Variants in SLC8A3 observed in about 807,000 individuals in gnomAD.
SLC8A3 encodes the protein sodium/calcium exchanger 3.
Under a neutral mutation model 65.4 loss-of-function variants are expected in SLC8A3, and 37 were observed. That is an observed-to-expected ratio of 0.57 (90% CI 0.44 to 0.74). The LOEUF is 0.74. SLC8A3 is among the 30% of genes least tolerant of loss of function. The pLI is 0.00. For synonymous variants in SLC8A3, 461 were observed against 444.5 expected (o/e 1.04, Z -0.47); for missense variants, 1,112 against 1,172.1 (o/e 0.95, Z 0.75).
At position 70,168,313 on chromosome 14, in the gene SLC8A3, T is replaced by G; in HGVS notation, c.110A>C (p.Asp37Ala). The change falls in exon 2 of 7, where the codon GAC (aspartate) becomes GCC (alanine). Residue 37 changes from aspartate (D) to alanine (A), a missense_variant. Transcript: ENST00000356921. ...ATTGTTCTGCCCTGTGCTTGGCACG[T>G]CCCCTGAGCCACCAGCCTCTGCTCG... The part of the protein sequence containing the change: ...GLRAEAGGSG[D>A]VPSTGQNNES... 1 of 1,614,076 alleles carries G rather than the reference T, an allele frequency of 6.2e-7. No individual in the cohort carries two copies.
rs148840788 is a variant in SLC8A3 at position 70,109,237 on chromosome 14, T to G, written c.1785-48298A>C. 5.7e-3 allele frequency among the ~76,000 whole-genome samples: 838 copies of G among 147,508 alleles called. 9 individuals carry two copies. The highest frequency in any genetic ancestry group is 0.02 in the African/African-American group (789 of 40,294). ...ACTTTAAGTTCTGGGATACATGTGC[T>G]GAACATGCAGGTTTGTTACATAGGT... On this transcript the variant is annotated intron_variant, in intron 2 of 6. Coordinates refer to ENST00000356921, the MANE Select transcript of SLC8A3 (RefSeq NM_182932.3).
intron 4 of SLC8A3, among the ~76,000 whole-genome samples, chr14:70,051,397 A>G (rs1340331239): frequency 2.0e-5 from 3 of 152,176 alleles, no homozygotes; most frequent in Non-Finnish European, 4.4e-5. Flanking sequence ...GGCTCAAGCC[A>G]TCCTCCCACC....
intron 2 of SLC8A3, among the ~76,000 whole-genome samples, chr14:70,125,584 G>C (rs1377546207): frequency 6.6e-6 from 1 of 151,254 alleles, no homozygotes; most frequent in Non-Finnish European, 1.5e-5. Flanking sequence ...TCCATGGATG[G>C]ACAGTTAGGT....
At position 70,100,655 on chromosome 14, in the gene SLC8A3, G is replaced by A. The variant is rs183473843; in HGVS notation, c.1785-39716C>T. Among the ~76,000 whole-genome samples the A allele has an allele frequency of 1.6e-4, 25 of 152,272 alleles. No homozygotes were observed. In the East Asian group the frequency reaches 4.6e-3, roughly 28 times the overall value. ...TTGTGCTCACTGATATTTATTAAGG[G>A]CATAAAAAGCCTACATGATTCCAAT... On this transcript the variant is annotated intron_variant, in intron 2 of 6. Transcript: ENST00000356921.
intron 2 of SLC8A3, among the ~76,000 whole-genome samples, chr14:70,073,326 G>A (rs1178202521): frequency 4.6e-5 from 7 of 152,112 alleles, no homozygotes; most frequent in Non-Finnish European, 1.0e-4. Context: ...ATATCAGTGG[G>A]TCTGTGAAGG....
At position 70,052,978 on chromosome 14, in the gene SLC8A3, G is replaced by A. The variant is rs145061761; in HGVS notation, c.1889-864C>T. ...GGGCAGTCGTGAGACTCCAACTCTC[G>A]AGTTTGCAAGGAAAGAAATTCACTG... is the stretch of plus-strand genomic sequence containing the variant. On this transcript the variant is annotated intron_variant, in intron 3 of 6. Coordinates refer to ENST00000356921, the MANE Select transcript of SLC8A3 (RefSeq NM_182932.3). Among the ~76,000 whole-genome samples, 469 of 152,300 alleles carry A rather than the reference G, an allele frequency of 3.1e-3. 2 individuals are homozygous for A. Among genetic ancestry groups the A allele is most frequent in the African/African-American group, 0.011 (446 of 41,558 alleles).
At chr14:70,132,606 G>T (rs1346646001) in intron 2 of SLC8A3, among the ~76,000 whole-genome samples, 2 of 152,186 alleles carry the variant, frequency 1.3e-5, no homozygotes, top group Non-Finnish European at 2.9e-5. Context: ...GATGAAACGG[G>T]AAATCTTTCA....
chr14:70,165,880 A>C (rs1897135832), intron 2 of SLC8A3, among the ~76,000 whole-genome samples: 1 of 152,158 alleles, frequency 6.6e-6, no homozygotes, highest in African/African-American at 2.4e-5. Flanking sequence ...AATTCCTAGG[A>C]TGTTTCTCCT....
At chr14:70,100,031 T>A (rs186026978) in intron 2 of SLC8A3, among the ~76,000 whole-genome samples, 1 of 152,052 alleles carries the variant, frequency 6.6e-6, no homozygotes, top group East Asian at 1.9e-4. Context: ...AACATGTACT[T>A]AGAAATCAAG....
chr14:70,080,441 C>T (rs1035658673), intron 2 of SLC8A3, among the ~76,000 whole-genome samples: 1 of 152,002 alleles, frequency 6.6e-6, no homozygotes, highest in Non-Finnish European at 1.5e-5. Context: ...AGTAAAGGCT[C>T]GCAGGAAAAG....
At position 70,166,859 on chromosome 14, in the gene SLC8A3, T is replaced by TA. The variant is rs778256950; in HGVS notation, c.1563dup (p.Thr522TyrfsTer5). 6.2e-7 allele frequency: 1 copy of TA among 1,614,112 alleles called. No homozygotes were observed. Among genetic ancestry groups the TA allele is most frequent in the South Asian group, 1.1e-5 (1 of 91,074 alleles). On this transcript the variant is annotated frameshift_variant, in exon 2 of 7. Coordinates refer to ENST00000356921, the MANE Select transcript of SLC8A3 (RefSeq NM_182932.3). LOFTEE classifies it high-confidence loss of function. ...CCTGCATGGTCATCATCCAAGATGG[T>TA]AACTGTGGCCACACAAGGGGAGGCT...
intron 2 of SLC8A3, among the ~76,000 whole-genome samples, chr14:70,088,680 C>T (rs1891613390): frequency 6.6e-6 from 1 of 152,210 alleles, no homozygotes; most frequent in Non-Finnish European, 1.5e-5. Context: ...TGAGCATTAT[C>T]ATCACCTAGA....
chr14:70,167,864 A>G lies in SLC8A3; in HGVS notation c.559T>C (p.Tyr187His). ...NMFIIIGICV[Y>H]VIPDGETRKI... is the part of the protein sequence containing the mutation. ...CGAGTCTCTCCGTCTGGGATCACGT[A>G]GACACAGATGCCAATGATGATGAAC... Residue 187 changes from tyrosine to histidine, a missense_variant, in exon 2 of 7, where the codon TAC (tyrosine) becomes CAC (histidine). Tyr to His is a moderately conservative substitution (Grantham distance 83). Coordinates refer to ENST00000356921, the MANE Select transcript of SLC8A3 (RefSeq NM_182932.3). 1.2e-6 allele frequency: 2 copies of G among 1,614,198 alleles called. No homozygotes were observed. The highest frequency in any genetic ancestry group is 1.7e-6 in the Non-Finnish European group (2 of 1,180,038).
At position 70,093,858 on chromosome 14, in the gene SLC8A3, G is replaced by C. The variant is rs1312809409; in HGVS notation, c.1785-32919C>G. ...CCTGCCTACCTGCCCCATTTGGGTG[G>C]AACACACCCTCTGGTACCTGCCCTA... On this transcript the variant is annotated intron_variant, in intron 2 of 6. Transcript: ENST00000356921. Among the ~76,000 whole-genome samples the C allele has an allele frequency of 3.9e-5, 6 of 152,156 alleles. No individual in the cohort carries two copies. In the East Asian group the frequency reaches 9.6e-4, roughly 24 times the overall value.
chr14:70,090,719 G>A (rs1240548071), intron 2 of SLC8A3, among the ~76,000 whole-genome samples: 1 of 152,114 alleles, frequency 6.6e-6, no homozygotes, highest in Non-Finnish European at 1.5e-5. Flanking sequence ...TGATGAATTT[G>A]TATAGCTGGA....
At chr14:70,163,247 C>T (rs1189111286) in intron 2 of SLC8A3, among the ~76,000 whole-genome samples, 1 of 152,190 alleles carries the variant, frequency 6.6e-6, no homozygotes, top group Non-Finnish European at 1.5e-5. Flanking sequence ...CAACAAAAAC[C>T]TGGTACTCAG....
At position 70,186,185 on chromosome 14, in the gene SLC8A3, T is replaced by C. The variant is rs944001642; in HGVS notation, c.-63+2194A>G. 3.3e-5 allele frequency among the ~76,000 whole-genome samples: 5 copies of C among 151,218 alleles called. No individual in the cohort carries two copies. The East Asian group carries it at 5.8e-4, about 17-fold the overall frequency. On this transcript the variant is annotated intron_variant, in intron 1 of 6. Coordinates refer to ENST00000356921, the MANE Select transcript of SLC8A3 (RefSeq NM_182932.3). ...TTTGTAAGGGGCTTTTCCCCCTTTT[T>C]TTCGTCACTTCTTGCTGCCGCCATG...
At position 70,166,762 on chromosome 14, in the gene SLC8A3, C is replaced by T. The variant is rs982655652; in HGVS notation, c.1661G>A (p.Arg554Gln). Reference protein sequence around the residue: ...SIGVMEVKVLRTSGARGTVIV... With the variant: ...SIGVMEVKVLQTSGARGTVIV... ...GACTGTACCCCGGGCACCTGATGTC[C>T]GCAGAACCTTGACCTCCATAACACC... Residue 554 changes from arginine to glutamine, a missense_variant, in exon 2 of 7, where the codon CGG (arginine) becomes CAG (glutamine). Arg to Gln is a conservative substitution (Grantham distance 43). Coordinates refer to ENST00000356921, the MANE Select transcript of SLC8A3 (RefSeq NM_182932.3). 18 of 1,613,948 alleles carry T rather than the reference C, an allele frequency of 1.1e-5. No homozygotes were observed. The highest frequency in any genetic ancestry group is 2.2e-5 in the East Asian group (1 of 44,878).
chr14:70,067,101 C>T (rs1889513256), intron 2 of SLC8A3, among the ~76,000 whole-genome samples: 1 of 152,134 alleles, frequency 6.6e-6, no homozygotes, highest in Non-Finnish European at 1.5e-5. Context: ...CTTATGTGTC[C>T]TAGACACACT....
Sources: gnomAD v4.1 joint callset for allele counts (sites outside exome capture counted in the v4.1 genomes callset) on GRCh38, gnomAD v4.1.1 for gene constraint, MANE v1.5 for transcripts, NCBI Gene and HGNC (gene_info 2026-07-23, HGNC 2026-07-21) for gene names.